The following BICC1 variants were observed in gnomAD, a reference collection of about 807,000 sequenced individuals.
BICC1 encodes protein bicaudal C homolog 1.
In BICC1, 43 loss-of-function variants were observed where a neutral mutation model predicts 111.0. That is an observed-to-expected ratio of 0.39 (90% confidence interval 0.30 to 0.50). The LOEUF (loss-of-function observed/expected upper bound fraction) is 0.50, where lower values mean the gene tolerates loss of function less well. Among genes scored for constraint, BICC1 ranks in the 20% least tolerant of loss-of-function variants. BICC1 has a pLI of 0.88. For missense variants in BICC1, 1,091 were observed against 1,203.2 expected (o/e 0.91, Z 1.38); for synonymous variants, 467 against 434.4 (o/e 1.07, Z -0.93).
At chr10:58,684,102 C>T (rs552167919) in intron 2 of BICC1, among the ~76,000 whole-genome samples, 13 of 152,106 alleles carry the variant, frequency 8.5e-5, no homozygotes, top group Non-Finnish European at 1.9e-4. Context: ...TGAATTTCGT[C>T]GAAGGCCTTT....
At chr10:58,537,350 A>C (rs1046162411) in intron 1 of BICC1, among the ~76,000 whole-genome samples, 5 of 107,818 alleles carry the variant, frequency 4.6e-5, no homozygotes, top group East Asian at 2.6e-4. Flanking sequence ...ACTAGAACAA[A>C]AAAAAAAATC....
rs558684584 is a variant in BICC1, at chr10:58,695,242, C to G, written c.238-6832C>G. ...CATCCTCAGCTTTTAGACGCCGCCT[C>G]GAGTGAGAAGTTCACAACTTTCCCA... On this transcript the variant is annotated intron_variant, in intron 2 of 20. Coordinates refer to ENST00000373886, the MANE Select transcript of BICC1 (RefSeq NM_001080512.3). Among the ~76,000 whole-genome samples, 61 of 152,258 alleles carry G rather than the reference C, an allele frequency of 4.0e-4. No individual in the cohort carries two copies. In the South Asian group the frequency reaches 9.5e-3, roughly 24 times the overall value.
intron 1 of BICC1, among the ~76,000 whole-genome samples, chr10:58,596,393 G>T (rs372250996): frequency 6.6e-6 from 1 of 152,116 alleles, no homozygotes; most frequent in African/African-American, 2.4e-5. Flanking sequence ...AATAAACTGA[G>T]TACCCATGGA....
intron 3 of BICC1, among the ~76,000 whole-genome samples, chr10:58,760,232 G>A (rs1288248011): frequency 6.6e-6 from 1 of 152,152 alleles, no homozygotes; most frequent in Non-Finnish European, 1.5e-5. Context: ...ATTCCATCAA[G>A]TGTGTTAAAT....
At chr10:58,619,504 C>A (rs1037303062) in intron 1 of BICC1, among the ~76,000 whole-genome samples, 1 of 133,324 alleles carries the variant, frequency 7.5e-6, no homozygotes, top group Non-Finnish European at 1.5e-5. Flanking sequence ...TTGAGAGAGT[C>A]TTACTCTGTC....
chr10:58,659,319 A>G (rs556808884), intron 2 of BICC1, among the ~76,000 whole-genome samples: 1 of 152,332 alleles, frequency 6.6e-6, no homozygotes, highest in East Asian at 1.9e-4. Flanking sequence ...TAACAAAGAC[A>G]TGGAATCAAC....
chr10:58,704,824 C>T (rs1037044031), intron 3 of BICC1, among the ~76,000 whole-genome samples: 1 of 152,194 alleles, frequency 6.6e-6, no homozygotes, highest in African/African-American at 2.4e-5. Context: ...TGTTGCATTT[C>T]ACTTTGGAGT....
intron 2 of BICC1, among the ~76,000 whole-genome samples, chr10:58,623,049 G>T (rs1845873818): frequency 6.6e-6 from 1 of 152,094 alleles, no homozygotes; most frequent in Admixed American, 6.6e-5. Context: ...TCTAAGCCTG[G>T]AAGGATATCT....
chr10:58,813,303 G>C (rs1216224611), intron 17 of BICC1, among the ~76,000 whole-genome samples: 1 of 152,070 alleles, frequency 6.6e-6, no homozygotes, highest in Non-Finnish European at 1.5e-5. Context: ...ATTACTCCAG[G>C]TATGTAATTT....
chr10:58,554,518 C>T (rs1321074023), intron 1 of BICC1, among the ~76,000 whole-genome samples: 1 of 152,088 alleles, frequency 6.6e-6, no homozygotes, highest in African/African-American at 2.4e-5. Flanking sequence ...TTTTATGGTT[C>T]AGTTTCTGAA....
chr10:58,737,103 T>C (rs1016290064), intron 3 of BICC1, among the ~76,000 whole-genome samples: 2 of 152,160 alleles, frequency 1.3e-5, no homozygotes, highest in East Asian at 3.9e-4. Flanking sequence ...TCTGTGATTT[T>C]TTAAAATTAT....
At chr10:58,514,071 T>C (rs1457881250) in intron 1 of BICC1, among the ~76,000 whole-genome samples, 2 of 152,240 alleles carry the variant, frequency 1.3e-5, no homozygotes, top group Non-Finnish European at 2.9e-5. Flanking sequence ...TTTAATTTCT[T>C]TGGGACTTTC....
intron 1 of BICC1, among the ~76,000 whole-genome samples, chr10:58,605,049 A>C (rs1457283916): frequency 6.6e-6 from 1 of 152,152 alleles, no homozygotes; most frequent in Non-Finnish European, 1.5e-5. Flanking sequence ...ACCTCCTAAT[A>C]GCATTACCTT....
At chr10:58,530,324 T>A (rs1405326292) in intron 1 of BICC1, among the ~76,000 whole-genome samples, 1 of 151,718 alleles carries the variant, frequency 6.6e-6, no homozygotes, top group Non-Finnish European at 1.5e-5. Context: ...GACTACTACT[T>A]CTGGTGAGGC....
rs1844528577 is a variant in BICC1, at chr10:58,830,654, A to G, written c.*1763A>G. 1 of 152,194 alleles carries G rather than the reference A, an allele frequency of 6.6e-6. No homozygotes were observed. The highest frequency in any genetic ancestry group is 6.5e-5 in the Admixed American group (1 of 15,270). 9.4% of individuals were successfully genotyped at this position (152,194 alleles called of 1,614,324 possible). A position where few individuals can be genotyped will look rare whatever the true frequency, so the allele number is the denominator to read the frequency against. On this transcript the variant is annotated 3_prime_UTR_variant, in exon 21 of 21. Transcript: ENST00000373886. ...ATTGGTTACCTTGAAGGCATAGATA[A>G]TGGGCCTGTCATAAAATTATCAATT... is the stretch of plus-strand genomic sequence containing the variant.
At chr10:58,803,745 A>G (rs1319376834) in intron 15 of BICC1, among the ~76,000 whole-genome samples, 1 of 152,192 alleles carries the variant, frequency 6.6e-6, no homozygotes, top group Admixed American at 6.5e-5. Context: ...TTATGATTAT[A>G]AAAACAACTT....
intron 20 of BICC1, among the ~76,000 whole-genome samples, chr10:58,825,856 G>A (rs9416747): frequency 0.69 from 105,580 of 151,972 alleles, 36,978 homozygotes; most frequent in Admixed American, 0.74. Context: ...ATAAAGTGCC[G>A]CTAATGCTCT....
intron 3 of BICC1, among the ~76,000 whole-genome samples, chr10:58,747,349 T>G (rs1398752774): frequency 2.0e-5 from 3 of 152,088 alleles, no homozygotes. Context: ...ATCTTTGTAT[T>G]TAAAAAAATA....
chr10:58,583,399 T>C (rs1564497605), intron 1 of BICC1, among the ~76,000 whole-genome samples: 1 of 145,582 alleles, frequency 6.9e-6, no homozygotes, highest in East Asian at 2.3e-4. Context: ...CCAAAGTCCA[T>C]TATAACATTC....
Sources: allele counts gnomAD v4.1 joint callset (sites outside exome capture counted in the v4.1 genomes callset), GRCh38; gene constraint gnomAD v4.1.1; transcripts MANE v1.5; gene names NCBI Gene and HGNC (gene_info 2026-07-23, HGNC 2026-07-21).